The following AUH variants were observed in gnomAD, a reference collection of about 807,000 sequenced individuals.
AUH encodes methylglutaconyl-CoA hydratase, mitochondrial.
AUH carries 29 observed loss-of-function variants against 42.3 expected under a neutral mutation model. The ratio of observed to expected loss-of-function variants is 0.69; its 90% CI spans 0.51 to 0.93. The LOEUF (loss-of-function observed/expected upper bound fraction) is 0.93, where lower values mean the gene tolerates loss of function less well. Among genes scored for constraint, AUH ranks in the 40% least tolerant of loss-of-function variants. AUH has a pLI of 0.00. For missense variants in AUH, 452 were observed against 438.1 expected, an observed-to-expected ratio of 1.03 and a Z score of -0.28; for synonymous variants, 174 against 166.4, an observed-to-expected ratio of 1.05 and a Z score of -0.35.
rs113531404 is a variant in AUH at position 91,216,439 on chromosome 9, G to GACACAC, written c.895-339_895-334dup. ...AATCTAGGTGAGGCCTTTATGTCGC[G>GACACAC]ACACACACACACACACACACACACG... On this transcript the variant is annotated intron_variant, in intron 8 of 9. Coordinates refer to ENST00000375731, the MANE Select transcript of AUH (RefSeq NM_001698.3). Among the ~76,000 whole-genome samples, 1,266 of 149,616 alleles carry GACACAC rather than the reference G, an allele frequency of 8.5e-3. 24 individuals carry two copies. The highest frequency in any genetic ancestry group is 0.032 in the Admixed American group (487 of 15,004).
intron 3 of AUH, among the ~76,000 whole-genome samples, chr9:91,332,353 T>A (rs1301930110): frequency 6.6e-6 from 1 of 151,908 alleles, no homozygotes; most frequent in Non-Finnish European, 1.5e-5. Context: ...AACACAAAAA[T>A]TAGCCAGGAG....
At chr9:91,249,313 A>AAAAAAAAAAAAAG (rs1271855425) in intron 6 of AUH, among the ~76,000 whole-genome samples, 9 of 150,620 alleles carry the variant, frequency 6.0e-5, no homozygotes, top group Non-Finnish European at 1.3e-4. Flanking sequence ...AAAAAAAAAA[A>AAAAAAAAAAAAAG]AAAAAAAAAA....
intron 3 of AUH, among the ~76,000 whole-genome samples, chr9:91,351,655 A>G (rs947071642): frequency 1.3e-5 from 2 of 152,160 alleles, no homozygotes; most frequent in Non-Finnish European, 2.9e-5. Flanking sequence ...CAGGCAAGGG[A>G]GCATTACTGC....
intron 6 of AUH, among the ~76,000 whole-genome samples, chr9:91,248,231 A>G (rs1162493742): frequency 6.6e-6 from 1 of 152,216 alleles, no homozygotes; most frequent in Non-Finnish European, 1.5e-5. Flanking sequence ...ATTCTTTTGC[A>G]TACGGACAAC....
At chr9:91,278,807 T>C (rs193246841) in intron 6 of AUH, among the ~76,000 whole-genome samples, 12 of 152,180 alleles carry the variant, frequency 7.9e-5, no homozygotes, top group Non-Finnish European at 1.3e-4. Flanking sequence ...CAAAGGACAG[T>C]AACTGTTGAA....
intron 3 of AUH, among the ~76,000 whole-genome samples, chr9:91,339,806 C>T (rs1830968532): frequency 6.6e-6 from 1 of 152,170 alleles, no homozygotes; most frequent in Admixed American, 6.5e-5. Context: ...CAGTAAAAGA[C>T]TACCATCTGG....
intron 6 of AUH, among the ~76,000 whole-genome samples, chr9:91,234,718 T>C (rs995712962): frequency 2.0e-5 from 3 of 151,306 alleles, no homozygotes; most frequent in East Asian, 1.9e-4. Flanking sequence ...CTGAGTAAGA[T>C]AGACCATTCC....
chr9:91,353,350 G>GC (rs573357975), intron 3 of AUH, among the ~76,000 whole-genome samples: 100 of 152,200 alleles, frequency 6.6e-4, no homozygotes, highest in African/African-American at 2.3e-3. Context: ...CTTCCAAAGT[G>GC]CTGGAATTAC....
At chr9:91,360,499 C>T (rs994586036) in intron 1 of AUH, 40 of 152,250 alleles carry the variant, frequency 2.6e-4, no homozygotes, top group African/African-American at 9.4e-4. Flanking sequence ...CTGCTACGTG[C>T]TAGTGGCAAT....
At position 91,361,608 on chromosome 9, in the gene AUH, G is replaced by C. The variant is rs755158372; in HGVS notation, c.262+20C>G. 2 of 1,571,420 alleles carry C rather than the reference G, an allele frequency of 1.3e-6. No individual in the cohort carries two copies. The highest frequency in any genetic ancestry group is 1.7e-6 in the Non-Finnish European group (2 of 1,159,404). On this transcript the variant is annotated intron_variant, in intron 1 of 9. Coordinates refer to ENST00000375731, the MANE Select transcript of AUH (RefSeq NM_001698.3). ...AGCGGCCGCCCGCTGCCCCGCGCCT[G>C]CCCAGCGTTCGCACCTCACCTCGGT...
chr9:91,253,821 T>C (rs1476024998), intron 6 of AUH, among the ~76,000 whole-genome samples: 1 of 152,254 alleles, frequency 6.6e-6, no homozygotes, highest in Non-Finnish European at 1.5e-5. Context: ...TGGATAATCT[T>C]TGTATACTTT....
chr9:91,230,715 T>C lies in AUH; in HGVS notation c.656-9723A>G, dbSNP rs546585962. 7.9e-5 allele frequency among the ~76,000 whole-genome samples: 12 copies of C among 152,218 alleles called. No homozygotes were observed. In the South Asian group the frequency reaches 2.5e-3, roughly 32 times the overall value. On this transcript the variant is annotated intron_variant, in intron 6 of 9. Coordinates refer to ENST00000375731, the MANE Select transcript of AUH (RefSeq NM_001698.3). ...TACTTTTGGTCTTTGATGATGGTGA[T>C]GTACAGATGGGTTTTTGGTGTGGAT... is the stretch of plus-strand genomic sequence containing the variant.
chr9:91,267,455 C>G (rs898055698), intron 6 of AUH, among the ~76,000 whole-genome samples: 9 of 152,156 alleles, frequency 5.9e-5, no homozygotes, highest in Non-Finnish European at 1.0e-4. Flanking sequence ...GTGTCTTGCT[C>G]TTGTTTAATG....
intron 4 of AUH, among the ~76,000 whole-genome samples, chr9:91,301,731 G>A (rs1827799718): frequency 6.6e-6 from 1 of 152,130 alleles, no homozygotes; most frequent in Non-Finnish European, 1.5e-5. Context: ...TGGAAGACAG[G>A]AGCTCCAAGA....
rs186461287 is a variant in AUH at position 91,281,903 on chromosome 9, T to C, written c.655+14118A>G. On this transcript the variant is annotated intron_variant, in intron 6 of 9. Transcript: ENST00000375731. Reference sequence around the variant, plus strand: ...TCTTCCTTCTAACCTGGCCCTACTATTGTCTGCTCCTAACACAGTGATGAC... The same window carrying C: ...TCTTCCTTCTAACCTGGCCCTACTACTGTCTGCTCCTAACACAGTGATGAC... Among the ~76,000 whole-genome samples the C allele has an allele frequency of 5.1e-4, 78 of 152,294 alleles. No individual in the cohort carries two copies. In the East Asian group the frequency reaches 0.011, roughly 22 times the overall value.
intron 6 of AUH, among the ~76,000 whole-genome samples, chr9:91,237,194 G>A (rs1251758395): frequency 6.6e-6 from 1 of 152,172 alleles, no homozygotes; most frequent in Non-Finnish European, 1.5e-5. Context: ...AATTAACAAA[G>A]AATTTCAAAA....
intron 6 of AUH, among the ~76,000 whole-genome samples, chr9:91,249,094 C>T (rs777356346): frequency 2.0e-5 from 3 of 151,666 alleles, no homozygotes; most frequent in Admixed American, 6.6e-5. Flanking sequence ...CCCAGGAGTT[C>T]GAGACAAGCC....
chr9:91,361,706 C>A lies in AUH; in HGVS notation c.184G>T (p.Ala62Ser). 1.3e-6 allele frequency: 2 copies of A among 1,554,854 alleles called. No individual in the cohort carries two copies. Among genetic ancestry groups the A allele is most frequent in the Non-Finnish European group, 1.7e-6 (2 of 1,149,686 alleles). The stretch of plus-strand genomic sequence containing the variant: ...TCAGAGCTGTAGCCCCTTTTCGGGG[C>A]GGGACCCCCGGCCGCAGGTACCCAG... ...QGWVPAAGGP[A>S]PKRGYSSEMK... Residue 62 changes from alanine to serine, a missense_variant, in exon 1 of 10, where the codon GCC (alanine) becomes TCC (serine). Coordinates refer to ENST00000375731, the MANE Select transcript of AUH (RefSeq NM_001698.3).
chr9:91,294,270 CT>C (rs1441190722), intron 6 of AUH, among the ~76,000 whole-genome samples: 3 of 152,212 alleles, frequency 2.0e-5, no homozygotes, highest in Non-Finnish European at 4.4e-5. Flanking sequence ...ACATTTCAGG[CT>C]GGGCGTGGTG....
Sources: allele counts gnomAD v4.1 joint callset (sites outside exome capture counted in the v4.1 genomes callset), GRCh38; gene constraint gnomAD v4.1.1; transcripts MANE v1.5; gene names NCBI Gene and HGNC (gene_info 2026-07-23, HGNC 2026-07-21).